EPM2A: variants seen among roughly 807,000 people sequenced by gnomAD.
EPM2A encodes the protein laforin.
In EPM2A, 21 loss-of-function variants were observed where a neutral mutation model predicts 26.5. The ratio of observed to expected loss-of-function variants is 0.79; its 90% CI spans 0.56 to 1.14. The LOEUF is 1.14. Ranked by LOEUF, EPM2A falls within the 50% of genes most tolerant of loss-of-function variation. The pLI is 0.00. For synonymous variants in EPM2A, 217 were observed against 177.6 expected (o/e 1.22, Z -1.76); for missense variants, 458 against 440.8 (o/e 1.04, Z -0.35).
At chr6:145,700,881 G>A (rs1201440752) in intron 1 of EPM2A, among the ~76,000 whole-genome samples, 1 of 152,122 alleles carries the variant, frequency 6.6e-6, no homozygotes, top group Non-Finnish European at 1.5e-5. Context: ...TAGTTCTGCT[G>A]CAAAAACCAT....
intron 4 of EPM2A, among the ~76,000 whole-genome samples, chr6:145,417,367 C>T (rs76275637): frequency 0.014 from 2,086 of 152,254 alleles, 37 homozygotes; most frequent in African/African-American, 0.045. Flanking sequence ...CTCATAGATG[C>T]CTTGACCCAT....
chr6:145,706,582 C>T (rs1782234792), intron 1 of EPM2A, among the ~76,000 whole-genome samples: 1 of 152,054 alleles, frequency 6.6e-6, no homozygotes, highest in Admixed American at 6.6e-5. Flanking sequence ...GCCTAGGTAG[C>T]CACTGGAGAA....
intron 2 of EPM2A, among the ~76,000 whole-genome samples, chr6:145,671,791 C>A (rs1263272562): frequency 6.6e-6 from 1 of 152,120 alleles, no homozygotes; most frequent in Non-Finnish European, 1.5e-5. Flanking sequence ...TCAAAATTTA[C>A]TGTATAGAAT....
At chr6:145,402,715 C>T (rs9390318) in intron 4 of EPM2A, among the ~76,000 whole-genome samples, 40,318 of 152,022 alleles carry the variant, frequency 0.27, 5,715 homozygotes, top group Non-Finnish European at 0.32. Context: ...CACAGGCAAA[C>T]GGATTAACAT....
chr6:145,391,585 C>T (rs756548697), intron 4 of EPM2A, among the ~76,000 whole-genome samples: 1 of 152,260 alleles, frequency 6.6e-6, no homozygotes, highest in African/African-American at 2.4e-5. Flanking sequence ...CTCAGCCAAC[C>T]CATTCAGCAT....
chr6:145,471,790 T>C (rs547766689), intron 4 of EPM2A, among the ~76,000 whole-genome samples: 87 of 152,276 alleles, frequency 5.7e-4, no homozygotes, highest in African/African-American at 1.9e-3. Context: ...CAAAATGTTC[T>C]GTTTCTAAGA....
At chr6:145,496,728 A>ATGTTT (rs779194973), downstream of EPM2A, among the ~76,000 whole-genome samples, 2 of 106,908 alleles carry the variant, frequency 1.9e-5, no homozygotes, top group Non-Finnish European at 3.9e-5. Flanking sequence ...AGTTCCTGCA[A>ATGTTT]TTTTTTTTTT....
At chr6:145,405,242 G>A (rs138146988) in intron 4 of EPM2A, among the ~76,000 whole-genome samples, 11 of 152,250 alleles carry the variant, frequency 7.2e-5, no homozygotes, top group Non-Finnish European at 1.2e-4. Flanking sequence ...TTCCAGAAAT[G>A]CAATTTTTAT....
At chr6:145,440,363 C>T (rs1185936878) in intron 4 of EPM2A, among the ~76,000 whole-genome samples, 1 of 152,262 alleles carries the variant, frequency 6.6e-6, no homozygotes, top group Non-Finnish European at 1.5e-5. Flanking sequence ...CACAACAAAA[C>T]GGAATTATGG....
chr6:145,456,036 T>G (rs544417539), intron 4 of EPM2A, among the ~76,000 whole-genome samples: 1 of 152,300 alleles, frequency 6.6e-6, no homozygotes, highest in East Asian at 1.9e-4. Context: ...TTACTGCGAT[T>G]TTTTAATTAA....
chr6:145,604,664 C>T (rs1582890693), intron 2 of EPM2A, among the ~76,000 whole-genome samples: 1 of 152,174 alleles, frequency 6.6e-6, no homozygotes, highest in East Asian at 1.9e-4. Context: ...GAAAACTGTA[C>T]AGTAGTTAGT....
At chr6:145,387,508 A>T (rs564415122) in intron 4 of EPM2A, among the ~76,000 whole-genome samples, 1 of 152,014 alleles carries the variant, frequency 6.6e-6, no homozygotes, top group South Asian at 2.1e-4. Flanking sequence ...CAATCCCATG[A>T]TCTGTTTATT....
intron 2 of EPM2A, among the ~76,000 whole-genome samples, chr6:145,574,510 A>G (rs146542052): frequency 1.3e-3 from 197 of 152,318 alleles, no homozygotes; most frequent in African/African-American, 4.5e-3. Flanking sequence ...GAGAAGAGCA[A>G]TTACAGGGTT....
downstream of EPM2A, among the ~76,000 whole-genome samples, chr6:145,498,317 T>C (rs1779846871): frequency 6.6e-6 from 1 of 152,198 alleles, no homozygotes; most frequent in African/African-American, 2.4e-5. Context: ...CTCAGACCAA[T>C]GCTGCTTGGA....
chr6:145,414,242 C>G lies in EPM2A; in HGVS notation c.556-30145G>C, dbSNP rs1778679497. ...ATAGCTGGCCAGCCACCATCTTTTG[C>G]CTTTTGGCTTTGTTAGTGTGGATTT... is the stretch of plus-strand genomic sequence containing the variant. On this transcript the variant is annotated intron_variant, in intron 4 of 4. Coordinates refer to the EPM2A transcript ENST00000638717. Among the ~76,000 whole-genome samples, 3 of 152,032 alleles carry G rather than the reference C, an allele frequency of 2.0e-5. No individual in the cohort carries two copies. The South Asian group carries it at 6.2e-4, about 32-fold the overall frequency.
intron 4 of EPM2A, among the ~76,000 whole-genome samples, chr6:145,430,342 G>A (rs543993104): frequency 1.3e-5 from 2 of 152,266 alleles, no homozygotes; most frequent in African/African-American, 2.4e-5. Context: ...GCTCACGGTT[G>A]TAACCCCAGC....
At chr6:145,667,348 G>T (rs1210078431) in intron 2 of EPM2A, among the ~76,000 whole-genome samples, 2 of 145,494 alleles carry the variant, frequency 1.4e-5, no homozygotes, top group African/African-American at 5.5e-5. Context: ...TCAAAAAGTG[G>T]GTGAAGGACA....
chr6:145,496,726 CA>C (rs1779824673), downstream of EPM2A, among the ~76,000 whole-genome samples: 1 of 115,472 alleles, frequency 8.7e-6, no homozygotes, highest in Non-Finnish European at 1.9e-5. Flanking sequence ...TCAGTTCCTG[CA>C]ATTTTTTTTT....
chr6:145,732,585 T>TA (rs1184120312), intron 1 of EPM2A, among the ~76,000 whole-genome samples: 2 of 152,076 alleles, frequency 1.3e-5, no homozygotes, highest in Admixed American at 1.3e-4. Context: ...ACTCTTCTGT[T>TA]AAAAAAATTA....
Sources: gnomAD v4.1 joint callset for allele counts (sites outside exome capture counted in the v4.1 genomes callset) on GRCh38, gnomAD v4.1.1 for gene constraint, MANE v1.5 for transcripts, NCBI Gene and HGNC (gene_info 2026-07-23, HGNC 2026-07-21) for gene names.